Variants in ZNF345 observed in about 807,000 individuals in gnomAD.
The protein encoded by ZNF345 is zinc finger protein HZF10.
For missense variants in ZNF345, 527 were observed against 589.9 expected, an observed-to-expected ratio of 0.89 and a Z score of 1.10; for synonymous variants, 166 against 187.9, an observed-to-expected ratio of 0.88 and a Z score of 0.95.
At position 36,878,276 on chromosome 19, in the gene ZNF345, C is replaced by T. The variant is rs200753949; in HGVS notation, c.1446C>T (p.Cys482=). ...AAAGTCATAATGGTAAGAAACTCTG[C>T]GAATTGGAAACTATAAATTGAAATT... is the stretch of plus-strand genomic sequence containing the variant. ...HKKSHNGKKL[C]ELETIN is the part of the protein sequence containing the mutation. The change falls in exon 3 of 3, where the codon TGC becomes TGT. Residue 482 remains cysteine, a synonymous_variant. Transcript: ENST00000420450. 3.6e-5 allele frequency: 57 copies of T among 1,572,472 alleles called. No homozygotes were observed. Among genetic ancestry groups the T allele is most frequent in the Admixed American group, 9.8e-5 (5 of 51,056 alleles).
At position 36,851,920 on chromosome 19, in the gene ZNF345, C is replaced by T. The variant is rs1195721586; in HGVS notation, c.-47+16C>T. The T allele has an allele frequency of 6.6e-6, 1 of 152,050 alleles. No homozygotes were observed. Among genetic ancestry groups the T allele is most frequent in the Admixed American group, 6.6e-5 (1 of 15,262 alleles). The allele number at this position is 152,050 out of a possible 1,614,324, so 9.4% of individuals were successfully genotyped here. A position where few individuals can be genotyped will look rare whatever the true frequency, so the allele number is the denominator to read the frequency against. ...CACCTGCAAGGTAGCTTGTCCTGTC[C>T]TCTTGTTTAAGAAAAATCCCTTTTT... On this transcript the variant is annotated intron_variant, in intron 2 of 2. Coordinates refer to ENST00000420450, the MANE Select transcript of ZNF345 (RefSeq NM_001242472.2).
chr19:36,891,688 A>AT (rs1467098547), intron 3 of ZNF345: 5 of 1,613,798 alleles, frequency 3.1e-6, no homozygotes, highest in Admixed American at 1.7e-5. Context: ...CTGATGTTGA[A>AT]TAAGTTCTGA....
intron 2 of ZNF345, among the ~76,000 whole-genome samples, chr19:36,857,281 A>G (rs1171432387): frequency 1.3e-5 from 2 of 151,904 alleles, no homozygotes; most frequent in Non-Finnish European, 2.9e-5. Flanking sequence ...ATAATTAATG[A>G]ATATATTTTT....
chr19:36,872,763 T>A (rs1350830486), intron 2 of ZNF345: 2 of 152,204 alleles, frequency 1.3e-5, no homozygotes, highest in African/African-American at 4.8e-5. Context: ...GTACCAAATC[T>A]TTCTATTAAA....
At chr19:36,891,810 CTTACATT>C (rs2073056552) in intron 3 of ZNF345, 1 of 1,614,040 alleles carries the variant, frequency 6.2e-7, no homozygotes, top group Admixed American at 1.7e-5. Flanking sequence ...TCCCACACTG[CTTACATT>C]CATAAGGTTT....
At chr19:36,880,374 A>G (rs1468034025), downstream of ZNF345, among the ~76,000 whole-genome samples, 1 of 152,098 alleles carries the variant, frequency 6.6e-6, no homozygotes, top group Non-Finnish European at 1.5e-5. Context: ...ATAAGATTAT[A>G]AAGTGTGAGA....
chr19:36,855,861 A>G (rs764518625), intron 2 of ZNF345, among the ~76,000 whole-genome samples: 3 of 152,144 alleles, frequency 2.0e-5, no homozygotes, highest in African/African-American at 4.8e-5. Flanking sequence ...CCAACTCTTT[A>G]GTTCACATAT....
At chr19:36,887,193 CCACCAA>C (rs2073006387) in intron 3 of ZNF345, among the ~76,000 whole-genome samples, 1 of 139,904 alleles carries the variant, frequency 7.1e-6, no homozygotes, top group African/African-American at 3.3e-5. Context: ...ACCACCACCA[CCACCAA>C]CAACAACAAA....
intron 2 of ZNF345, among the ~76,000 whole-genome samples, chr19:36,857,952 G>T (rs2072458760): frequency 6.6e-6 from 1 of 151,528 alleles, no homozygotes; most frequent in Non-Finnish European, 1.5e-5. Flanking sequence ...ATTTTTTTTT[G>T]TATATTTAGT....
At chr19:36,873,190 C>A (rs963076748) in intron 2 of ZNF345, among the ~76,000 whole-genome samples, 4 of 151,326 alleles carry the variant, frequency 2.6e-5, no homozygotes, top group Middle Eastern at 3.2e-3. Context: ...TTATTCTATT[C>A]TTGTATCATG....
At chr19:36,882,781 A>G (rs913574045), downstream of ZNF345, among the ~76,000 whole-genome samples, 5 of 152,172 alleles carry the variant, frequency 3.3e-5, no homozygotes, top group African/African-American at 1.2e-4. Flanking sequence ...GGCCAAATAT[A>G]CGTTAGGTTT....
chr19:36,890,554 T>A (rs1448235354), intron 3 of ZNF345: 2 of 152,032 alleles, frequency 1.3e-5, no homozygotes, highest in Non-Finnish European at 2.9e-5. Flanking sequence ...GTATAAAGTC[T>A]GTTTTGGCCA....
At chr19:36,875,424 G>A (rs1283707992) in intron 2 of ZNF345, among the ~76,000 whole-genome samples, 6 of 152,112 alleles carry the variant, frequency 3.9e-5, no homozygotes, top group East Asian at 3.9e-4. Context: ...GGGATGGGTC[G>A]GTACAGTTTT....
chr19:36,892,381 A>G, intron 3 of ZNF345: 1 of 1,613,290 alleles, frequency 6.2e-7, no homozygotes, highest in Non-Finnish European at 8.5e-7. Flanking sequence ...GGGCTGAATA[A>G]AAGTAGACAT....
At chr19:36,861,683 C>T (rs2146148539) in intron 2 of ZNF345, among the ~76,000 whole-genome samples, 1 of 152,138 alleles carries the variant, frequency 6.6e-6, no homozygotes, top group Non-Finnish European at 1.5e-5. Context: ...GCCTGAGCCT[C>T]CCAAGTAGCT....
At chr19:36,856,325 C>A (rs913067061) in intron 2 of ZNF345, among the ~76,000 whole-genome samples, 2 of 152,076 alleles carry the variant, frequency 1.3e-5, no homozygotes, top group Admixed American at 6.6e-5. Flanking sequence ...ATTTGGGGAT[C>A]TAAATTCAAT....
In ZNF345 at chr19:36,878,511, TCTTA is replaced by T. The variant is rs921017988; in HGVS notation, c.*218_*221del. 1.5e-5 allele frequency: 6 copies of T among 401,736 alleles called. No homozygotes were observed. Among genetic ancestry groups the T allele is most frequent in the African/African-American group, 6.2e-5 (3 of 48,234 alleles). The allele number at this position is 401,736 out of a possible 1,614,324, so 24.9% of individuals were successfully genotyped here. A position where few individuals can be genotyped will look rare whatever the true frequency, so the allele number is the denominator to read the frequency against. On this transcript the variant is annotated 3_prime_UTR_variant, in exon 3 of 3. Transcript: ENST00000420450. ...CATTCCTTCATTACTTTTGGAAAAT[TCTTA>T]CTTGTGAATGTTAAAAATGAAAAAA...
At position 36,877,503 on chromosome 19, in the gene ZNF345, A is replaced by G. The variant is rs2072910171; in HGVS notation, c.673A>G (p.Thr225Ala). Residue 225 changes from threonine (T) to alanine (A), a missense_variant, in exon 3 of 3, where the codon ACT (threonine) becomes GCT (alanine). Physicochemically the swap from Thr to Ala is moderately conservative, Grantham distance 58. Transcript: ENST00000420450. Reference sequence around the variant, plus strand: ...CCTTACTCAACATCGGCGGATTCATACTGGTGAGAAACCTTATGAATGCAA... The same window carrying G: ...CCTTACTCAACATCGGCGGATTCATGCTGGTGAGAAACCTTATGAATGCAA... ...SNLTQHRRIHTGEKPYECKAC... is the reference protein window; with the variant it reads ...SNLTQHRRIHAGEKPYECKAC... The G allele has an allele frequency of 6.2e-7, 1 of 1,614,200 alleles. No individual in the cohort carries two copies. The highest frequency in any genetic ancestry group is 8.5e-7 in the Non-Finnish European group (1 of 1,180,026).
chr19:36,851,684 G>A (rs1568347427), intron 1 of ZNF345, 146 bp from the exon 2 acceptor site: 1 of 152,226 alleles, frequency 6.6e-6, no homozygotes, highest in East Asian at 1.9e-4. Context: ...TGTGATGCCC[G>A]GATTAAGCAG....
Sources: allele counts gnomAD v4.1 joint callset (sites outside exome capture counted in the v4.1 genomes callset), GRCh38; gene constraint gnomAD v4.1.1; transcripts MANE v1.5; gene names NCBI Gene and HGNC (gene_info 2026-07-23, HGNC 2026-07-21).